The following GALNT9 variants were observed in gnomAD, a reference collection of about 807,000 sequenced individuals.
GALNT9 encodes GalNAc transferase 9.
GALNT9 carries 47 observed loss-of-function variants against 63.1 expected under a neutral mutation model. The ratio of observed to expected loss-of-function variants is 0.75; its 90% CI spans 0.59 to 0.95. The LOEUF is 0.95. Ranked by LOEUF, GALNT9 falls within the 40% of genes least tolerant of loss-of-function variation. The probability of loss-of-function intolerance (pLI) is 0.00; values close to 1 mark genes in which losing one functional copy is unlikely to be tolerated. For synonymous variants in GALNT9, 396 were observed against 365.7 expected (o/e 1.08, Z -0.94); for missense variants, 829 against 874.8 (o/e 0.95, Z 0.66).
chr12:132,295,033 G>A (rs1881001418), intron 1 of GALNT9, among the ~76,000 whole-genome samples: 1 of 152,260 alleles, frequency 6.6e-6, no homozygotes, highest in Non-Finnish European at 1.5e-5. Context: ...TGCGGCTGCA[G>A]GGCTCAAGAC....
chr12:132,291,703 A>G (rs1175129848), intron 1 of GALNT9, among the ~76,000 whole-genome samples: 3 of 145,148 alleles, frequency 2.1e-5, no homozygotes, highest in Non-Finnish European at 4.6e-5. Context: ...GCCCACATCC[A>G]TGGCGCACAC....
chr12:132,257,594 G>A (rs1367810669), intron 5 of GALNT9, 95 bp downstream of exon 5: 15 of 834,144 alleles, frequency 1.8e-5, no homozygotes, highest in East Asian at 6.1e-5. Context: ...CCTCGTCCCC[G>A]GCCCTCATCC....
intron 2 of GALNT9, chr12:132,276,650 T>G (rs899671133): frequency 3.9e-5 from 6 of 154,014 alleles, no homozygotes; most frequent in African/African-American, 1.4e-4. Flanking sequence ...TAGGACGGCT[T>G]CTCGGATAAG....
At chr12:132,243,379 C>T (rs111672183) in intron 6 of GALNT9, among the ~76,000 whole-genome samples, 2,335 of 151,474 alleles carry the variant, frequency 0.015, 186 homozygotes, top group African/African-American at 0.054. Context: ...TCCAGTCCTC[C>T]CCGTCCTCCG....
chr12:132,271,112 C>G (rs1361913903), intron 2 of GALNT9, among the ~76,000 whole-genome samples: 1 of 152,224 alleles, frequency 6.6e-6, no homozygotes, highest in African/African-American at 2.4e-5. Flanking sequence ...GCCAGTCCCC[C>G]ATGCGCCCTT....
chr12:132,257,747 T>C lies in GALNT9; in HGVS notation c.901A>G (p.Met301Val). ...CAGTCCTGCGGGGGGATGATGTACA[T>C]GCACCAGAGGCCCCAGTTGTAGCCA... ...AHGYNWGLWCMYIIPPQDWLD... is the reference protein window; with the variant it reads ...AHGYNWGLWCVYIIPPQDWLD... Residue 301 changes from methionine to valine, a missense_variant, in exon 5 of 11, where the codon ATG becomes GTG. Coordinates refer to ENST00000328957, the MANE Select transcript of GALNT9 (RefSeq NM_001122636.2). The C allele has an allele frequency of 1.3e-6, 2 of 1,550,346 alleles. No homozygotes were observed. Among genetic ancestry groups the C allele is most frequent in the Non-Finnish European group, 1.7e-6 (2 of 1,146,786 alleles).
intron 1 of GALNT9, among the ~76,000 whole-genome samples, chr12:132,301,364 C>T (rs1276361476): frequency 3.9e-5 from 6 of 152,268 alleles, no homozygotes; most frequent in East Asian, 1.9e-4. Flanking sequence ...GCTTCCACTC[C>T]GCGCCCTGTT....
chr12:132,280,278 AG>A (rs1454727123), intron 2 of GALNT9: 1 of 152,262 alleles, frequency 6.6e-6, no homozygotes, highest in Non-Finnish European at 1.5e-5. Context: ...GATGGCCAGC[AG>A]TAAGGGGTTT....
intron 6 of GALNT9, chr12:132,247,318 G>A: frequency 2.9e-6 from 1 of 341,470 alleles, no homozygotes; most frequent in Non-Finnish European, 5.8e-6. Context: ...TTCATAAACA[G>A]CAAAACAAAG....
rs1209233460 is a variant in GALNT9, at chr12:132,262,478, C to T, written c.567G>A (p.Val189=). 6.4e-7 allele frequency: 1 copy of T among 1,550,712 alleles called. No individual in the cohort carries two copies. Among genetic ancestry groups the T allele is most frequent in the African/African-American group, 1.4e-5 (1 of 73,178 alleles). ...PSQLLKEVIL[V]DDNSDNVELK... is the part of the protein sequence containing the mutation. Reference sequence around the variant, plus strand: ...ACTCACCGTTGTCACTGTTGTCGTCCACCAGGATGACCTCCTTGAGGAGCT... The same window carrying T: ...ACTCACCGTTGTCACTGTTGTCGTCTACCAGGATGACCTCCTTGAGGAGCT... Residue 189 remains valine, a synonymous_variant, in exon 3 of 11, where the codon GTG becomes GTA. Transcript: ENST00000328957.
chr12:132,229,413 T>C (rs1193481869), intron 6 of GALNT9, among the ~76,000 whole-genome samples: 1 of 152,236 alleles, frequency 6.6e-6, no homozygotes, highest in Non-Finnish European at 1.5e-5. Context: ...AATAACTCGC[T>C]TCCCTTTGAC....
At chr12:132,226,199 AC>A in intron 6 of GALNT9, among the ~76,000 whole-genome samples, 3 of 142,742 alleles carry the variant, frequency 2.1e-5, no homozygotes, top group East Asian at 2.1e-4. Flanking sequence ...CATACACCCC[AC>A]ACTGTACATA....
chr12:132,327,902 A>C lies in GALNT9; in HGVS notation c.238+1064T>G, dbSNP rs1441149870. Among the ~76,000 whole-genome samples, 3 of 121,308 alleles carry C rather than the reference A, an allele frequency of 2.5e-5. No homozygotes were observed. The highest frequency in any genetic ancestry group is 9.6e-5 in the African/African-American group (3 of 31,330). The allele number at this position is 121,308 out of a possible 152,430, so 79.6% of individuals were successfully genotyped here. A position where few individuals can be genotyped will look rare whatever the true frequency, so the allele number is the denominator to read the frequency against. On this transcript the variant is annotated intron_variant, in intron 1 of 10. Transcript: ENST00000328957. The surrounding 1 kb of genome is among the most constrained non-coding windows in gnomAD (Gnocchi z 4.3). The stretch of plus-strand genomic sequence containing the variant: ...AAGACCACCCCCCGCCTTTGCCCCC[A>C]CACACAGCAGGCACATCCGGAGCCC...
intron 5 of GALNT9, among the ~76,000 whole-genome samples, chr12:132,253,172 A>G (rs535637464): frequency 6.6e-6 from 1 of 152,346 alleles, no homozygotes; most frequent in African/African-American, 2.4e-5. Flanking sequence ...AACTCCAAAG[A>G]GGAACCAGGA....
intron 1 of GALNT9, among the ~76,000 whole-genome samples, chr12:132,325,355 G>T (rs1555246453): frequency 6.6e-6 from 1 of 152,262 alleles, no homozygotes; most frequent in Non-Finnish European, 1.5e-5. Flanking sequence ...GGGCATCAGA[G>T]CCAGGACCAG....
intron 6 of GALNT9, among the ~76,000 whole-genome samples, chr12:132,224,748 C>T (rs1358667261): frequency 4.1e-5 from 6 of 144,654 alleles, no homozygotes; most frequent in African/African-American, 1.5e-4. Flanking sequence ...ACCCCACACC[C>T]CTCCCACACC....
rs1272148731 is a variant in GALNT9 at position 132,319,198 on chromosome 12, G to A, written c.238+9768C>T. 6.6e-6 allele frequency among the ~76,000 whole-genome samples: 1 copy of A among 152,190 alleles called. No individual in the cohort carries two copies. The highest frequency in any genetic ancestry group is 2.4e-5 in the African/African-American group (1 of 41,440). ...GGATGCCCAGGTGGCTGGAAGTATTGCTTCCAGGTGCGTCTGTGCGAGATT... is the reference window on the plus strand; with the variant it reads ...GGATGCCCAGGTGGCTGGAAGTATTACTTCCAGGTGCGTCTGTGCGAGATT... On this transcript the variant is annotated intron_variant, in intron 1 of 10. Transcript: ENST00000328957. This position sits in a 1 kb window ranked among gnomAD's most constrained non-coding sequence, Gnocchi z 5.2.
rs1423531868 is a variant in GALNT9 at position 132,316,043 on chromosome 12, C to A, written c.238+12923G>T. Among the ~76,000 whole-genome samples, 1 of 152,206 alleles carries A rather than the reference C, an allele frequency of 6.6e-6. No individual in the cohort carries two copies. The highest frequency in any genetic ancestry group is 1.5e-5 in the Non-Finnish European group (1 of 68,030). On this transcript the variant is annotated intron_variant, in intron 1 of 10. Coordinates refer to ENST00000328957, the MANE Select transcript of GALNT9 (RefSeq NM_001122636.2). The surrounding 1 kb of genome is among the most constrained non-coding windows in gnomAD (Gnocchi z 4.3). ...GGCAGCCCCCGAAACGGCCGCCCAC[C>A]CCCTCACGCCTGCAGGTCTTGGGTT...
At chr12:132,276,112 T>C (rs1335287021) in intron 2 of GALNT9, 7 of 152,276 alleles carry the variant, frequency 4.6e-5, no homozygotes, top group African/African-American at 1.7e-4. Context: ...CAAGCTTGCT[T>C]AAAGTTGTGC....
Sources: allele counts gnomAD v4.1 joint callset (sites outside exome capture counted in the v4.1 genomes callset), GRCh38; gene constraint gnomAD v4.1.1; non-coding constraint Gnocchi (gnomAD v3.1); transcripts MANE v1.5; gene names NCBI Gene and HGNC (gene_info 2026-07-23, HGNC 2026-07-21).